The following TNFRSF8 variants were observed in gnomAD, a reference collection of about 807,000 sequenced individuals.
TNFRSF8 encodes tumor necrosis factor receptor superfamily member 8.
TNFRSF8 carries 26 observed loss-of-function variants against 70.8 expected under a neutral mutation model. That is an observed-to-expected ratio of 0.37 (90% confidence interval 0.27 to 0.51). TNFRSF8 has a LOEUF of 0.51. Among genes scored for constraint, TNFRSF8 ranks in the 20% least tolerant of loss-of-function variants. The pLI, the probability that TNFRSF8 is intolerant of heterozygous loss-of-function variation, is 0.94. For missense variants in TNFRSF8, 720 were observed against 807.9 expected, an observed-to-expected ratio of 0.89 and a Z score of 1.32; for synonymous variants, 356 against 339.2, an observed-to-expected ratio of 1.05 and a Z score of -0.54.
At chr1:12,118,804 T>C (rs999691443) in intron 8 of TNFRSF8, among the ~76,000 whole-genome samples, 6 of 152,196 alleles carry the variant, frequency 3.9e-5, no homozygotes, top group Admixed American at 2.0e-4. Context: ...CAGAGGGCGC[T>C]AGAGGGCCAT....
At chr1:12,101,578 A>G in intron 3 of TNFRSF8, among the ~76,000 whole-genome samples, 1 of 152,230 alleles carries the variant, frequency 6.6e-6, no homozygotes. Flanking sequence ...GTTTGTTTAT[A>G]CCAACATCTC....
chr1:12,116,650 A>G (rs1641735409), intron 8 of TNFRSF8, among the ~76,000 whole-genome samples: 1 of 152,024 alleles, frequency 6.6e-6, no homozygotes, highest in Admixed American at 6.5e-5. Flanking sequence ...AAAATACACA[A>G]ATTAGCTGGG....
intron 1 of TNFRSF8, among the ~76,000 whole-genome samples, chr1:12,081,610 C>T (rs939228000): frequency 6.6e-6 from 1 of 151,536 alleles, no homozygotes; most frequent in African/African-American, 2.4e-5. Context: ...GCAAATATCA[C>T]GTTCATGTAT....
At chr1:12,135,057 T>TGTAA (rs1217676178) in intron 12 of TNFRSF8, among the ~76,000 whole-genome samples, 1 of 152,078 alleles carries the variant, frequency 6.6e-6, no homozygotes, top group African/African-American at 2.4e-5. Flanking sequence ...GGCTCACGCC[T>TGTAA]GTAATCCCAG....
At chr1:12,076,763 C>G (rs1640974097) in intron 1 of TNFRSF8, among the ~76,000 whole-genome samples, 1 of 152,120 alleles carries the variant, frequency 6.6e-6, no homozygotes, top group African/African-American at 2.4e-5. Flanking sequence ...AGGAGGAGGA[C>G]TTTAGTTTCA....
intron 8 of TNFRSF8, among the ~76,000 whole-genome samples, chr1:12,120,772 C>T (rs1011813432): frequency 6.6e-6 from 1 of 152,208 alleles, no homozygotes; most frequent in Non-Finnish European, 1.5e-5. Context: ...ACAATGCCTT[C>T]TCCTCACCTT....
chr1:12,106,289 G>A (rs766590824), intron 4 of TNFRSF8, among the ~76,000 whole-genome samples: 4 of 151,810 alleles, frequency 2.6e-5, no homozygotes, highest in African/African-American at 9.7e-5. Context: ...CCCTCTGCAC[G>A]TGCTGTTCTC....
intron 1 of TNFRSF8, among the ~76,000 whole-genome samples, chr1:12,067,673 A>T (rs1039198440): frequency 6.2e-5 from 9 of 146,026 alleles, no homozygotes; most frequent in Middle Eastern, 3.3e-3. Flanking sequence ...GACTGTATTT[A>T]AAAAAAAAAA....
chr1:12,127,479 C>T (rs1018759830), intron 12 of TNFRSF8, among the ~76,000 whole-genome samples: 10 of 152,216 alleles, frequency 6.6e-5, no homozygotes, highest in African/African-American at 2.4e-4. Flanking sequence ...CAGCTCTGTC[C>T]ACCATCGCAA....
intron 3 of TNFRSF8, among the ~76,000 whole-genome samples, chr1:12,097,935 C>G (rs1377565522): frequency 6.6e-6 from 1 of 152,076 alleles, no homozygotes; most frequent in African/African-American, 2.4e-5. Flanking sequence ...AATGTGTACC[C>G]TTATTTACTT....
At chr1:12,101,279 T>A (rs1641418415) in intron 3 of TNFRSF8, among the ~76,000 whole-genome samples, 1 of 151,688 alleles carries the variant, frequency 6.6e-6, no homozygotes, top group Non-Finnish European at 1.5e-5. Context: ...TAAAATACAT[T>A]AGCTGGGTGT....
chr1:12,099,628 A>G (rs986198917), intron 3 of TNFRSF8, among the ~76,000 whole-genome samples: 3 of 151,870 alleles, frequency 2.0e-5, no homozygotes, highest in Admixed American at 1.3e-4. Flanking sequence ...ATAGTCATGT[A>G]TTGCTTATTG....
At chr1:12,096,651 G>C (rs11569833) in intron 2 of TNFRSF8, among the ~76,000 whole-genome samples, 2,452 of 152,190 alleles carry the variant, frequency 0.016, 202 homozygotes, top group Admixed American at 0.14. Flanking sequence ...CTCATATAGT[G>C]CTTGTTGGGT....
chr1:12,101,439 T>A (rs905715556), intron 3 of TNFRSF8, among the ~76,000 whole-genome samples: 80 of 141,676 alleles, frequency 5.6e-4, no homozygotes, highest in African/African-American at 2.0e-3. Flanking sequence ...AAAAAAAAAA[T>A]GATAAAAAGT....
At chr1:12,072,929 A>C (rs1163158635) in intron 1 of TNFRSF8, among the ~76,000 whole-genome samples, 1 of 152,140 alleles carries the variant, frequency 6.6e-6, no homozygotes, top group Admixed American at 6.5e-5. Context: ...TCTCTCTCCA[A>C]ACGGTCTGGG....
chr1:12,124,903 C>T (rs894205889), intron 10 of TNFRSF8, among the ~76,000 whole-genome samples: 1 of 151,020 alleles, frequency 6.6e-6, no homozygotes, highest in African/African-American at 2.4e-5. Flanking sequence ...AGAGTTAGCT[C>T]TTAGGGAAAG....
At chr1:12,103,744 C>T (rs1224446681) in intron 3 of TNFRSF8, among the ~76,000 whole-genome samples, 12 of 152,164 alleles carry the variant, frequency 7.9e-5, no homozygotes, top group Admixed American at 4.6e-4. Flanking sequence ...CCTCCTGCCT[C>T]GGCCTCCCAA....
In TNFRSF8 at chr1:12,063,458, G is replaced by T. The variant is rs1640681962; in HGVS notation, c.-141G>T. 1 of 635,594 alleles carries T rather than the reference G, an allele frequency of 1.6e-6. No homozygotes were observed. The highest frequency in any genetic ancestry group is 2.3e-6 in the Non-Finnish European group (1 of 440,140). The allele number at this position is 635,594 out of a possible 1,614,324, so 39.4% of individuals were successfully genotyped here. A position where few individuals can be genotyped will look rare whatever the true frequency, so the allele number is the denominator to read the frequency against. The stretch of plus-strand genomic sequence containing the variant: ...GCGGCGTGCGTTGGGTGCGGACTAG[G>T]TGGCCGCGGCGGGAGTGTGCTGGAG... On this transcript the variant is annotated 5_prime_UTR_variant, in exon 1 of 15. Transcript: ENST00000263932. This position sits in a 1 kb window ranked among gnomAD's most constrained non-coding sequence, Gnocchi z 7.2.
At chr1:12,134,968 C>T (rs528419726) in intron 12 of TNFRSF8, among the ~76,000 whole-genome samples, 5 of 151,446 alleles carry the variant, frequency 3.3e-5, no homozygotes, top group Admixed American at 1.3e-4. Flanking sequence ...TGCATGTGCG[C>T]GGGGGTGGGG....
Sources: allele counts gnomAD v4.1 joint callset (sites outside exome capture counted in the v4.1 genomes callset), GRCh38; gene constraint gnomAD v4.1.1; non-coding constraint Gnocchi (gnomAD v3.1); transcripts MANE v1.5; gene names NCBI Gene and HGNC (gene_info 2026-07-23, HGNC 2026-07-21).